CROCC2: variants seen among roughly 807,000 people sequenced by gnomAD.
CROCC2 encodes the protein ciliary rootlet coiled-coil protein 2.
A neutral mutation model predicts 177.6 loss-of-function variants in CROCC2; 163 were observed. The ratio of observed to expected loss-of-function variants is 0.92; its 90% CI spans 0.81 to 1.05. The LOEUF is 1.05. CROCC2 is among the 50% of genes least tolerant of loss of function. CROCC2 has a pLI of 0.00. For synonymous variants in CROCC2, 904 were observed against 787.3 expected (o/e 1.15, Z -2.48); for missense variants, 1,929 against 1,797.8 (o/e 1.07, Z -1.32).
In CROCC2 at chr2:240,968,241, C is replaced by G. The variant is rs1310666491; in HGVS notation, c.4380C>G (p.Gly1460=). 8 of 1,531,418 alleles carry G rather than the reference C, an allele frequency of 5.2e-6. No homozygotes were observed. The East Asian group carries it at 2.0e-4, about 38-fold the overall frequency. The allele number at this position is 1,531,418 out of a possible 1,614,324, so 94.9% of individuals were successfully genotyped here. ...LEHLASVRAA[G]QEKRRLQEQL... ...ACCTGGCGAGCGTGCGTGCGGCAGG[C>G]CAGGAGAAGCGGCGGCTGCAGGTGG... The change falls in exon 27 of 32, where the codon GGC becomes GGG. Residue 1460 remains glycine, a synonymous_variant. Transcript: ENST00000690015.
In CROCC2 at chr2:240,953,095, G is replaced by A. The variant is rs2059566929; in HGVS notation, c.2829+2585G>A. 6.6e-6 allele frequency among the ~76,000 whole-genome samples: 1 copy of A among 152,074 alleles called. No homozygotes were observed. Among genetic ancestry groups the A allele is most frequent in the Non-Finnish European group, 1.5e-5 (1 of 68,016 alleles). On this transcript the variant is annotated intron_variant, in intron 18 of 31. Coordinates refer to ENST00000690015, the MANE Select transcript of CROCC2 (RefSeq NM_001351305.2). This position sits in a 1 kb window ranked among gnomAD's most constrained non-coding sequence, Gnocchi z 4.0. Reference sequence around the variant, plus strand: ...TCCCAGCTTCCCAGTGGCACACACAGCCCCCAAGAGAGGGGACCTCGGTCA... The same window carrying A: ...TCCCAGCTTCCCAGTGGCACACACAACCCCCAAGAGAGGGGACCTCGGTCA...
chr2:240,911,862 G>C (rs2059290993), intron 1 of CROCC2, among the ~76,000 whole-genome samples: 1 of 152,182 alleles, frequency 6.6e-6, no homozygotes, highest in Non-Finnish European at 1.5e-5. Context: ...TACTCATAGA[G>C]GGACCACACT....
At chr2:240,954,451 T>C (rs1269511465) in intron 18 of CROCC2, among the ~76,000 whole-genome samples, 2 of 152,154 alleles carry the variant, frequency 1.3e-5, no homozygotes, top group African/African-American at 2.4e-5. Flanking sequence ...CTCCTGTTAC[T>C]CTTAGAGATT....
At chr2:240,959,515 GGAGA>G (rs2059617124) in intron 20 of CROCC2, 71 bp downstream of exon 20, 1 of 1,502,166 alleles carries the variant, frequency 6.7e-7, no homozygotes, top group East Asian at 2.5e-5. Flanking sequence ...TACCAAGAGA[GGAGA>G]GAGTGGGGGT....
Position 240,933,209 on chromosome 2 carries a change from C to T in CROCC2, c.1330C>T (p.Leu444=). The T allele has an allele frequency of 6.5e-7, 1 of 1,549,714 alleles. No individual in the cohort carries two copies. Among genetic ancestry groups the T allele is most frequent in the South Asian group, 1.2e-5 (1 of 84,010 alleles). ...GCAGCTGTCCGAAAGCCGGCGGGAG[C>T]TGTGGGCCGCACAGAAGCTCCAGCA... ...QEQLSESRRE[L]WAAQKLQQER... Residue 444 remains leucine, a synonymous_variant, in exon 10 of 32, where the codon CTG becomes TTG. Coordinates refer to ENST00000690015, the MANE Select transcript of CROCC2 (RefSeq NM_001351305.2).
At chr2:240,986,521 G>A (rs1373672611) in intron 28 of CROCC2, among the ~76,000 whole-genome samples, 6 of 152,236 alleles carry the variant, frequency 3.9e-5, no homozygotes, top group South Asian at 2.1e-4. Flanking sequence ...CTGGAAAGCC[G>A]AGCCGGTGTT....
intron 12 of CROCC2, 107 bp from the exon 13 acceptor site, chr2:240,934,809 C>G (rs2059457195): frequency 1.6e-6 from 2 of 1,257,094 alleles, no homozygotes; most frequent in Admixed American, 6.6e-5. Context: ...CGCCCAAGAG[C>G]TCTGGCTTGC....
At position 240,967,459 on chromosome 2, in the gene CROCC2, G is replaced by A. The variant is rs1033874369; in HGVS notation, c.4261G>A (p.Glu1421Lys). 9.2e-5 allele frequency: 138 copies of A among 1,506,278 alleles called. No individual in the cohort carries two copies. In the Admixed American group the frequency reaches 2.4e-3, roughly 27 times the overall value. 93.3% of individuals were successfully genotyped at this position (1,506,278 alleles called of 1,614,324 possible). ...GCTGCAGAAAGCCCTGGCTGAGGCG[G>A]AAGAAGGTGACCTCCCTTGCCCTGC... The part of the protein sequence containing the change: ...GQLQKALAEA[E>K]EGQRRVEGAL... Residue 1421 changes from glutamate (E) to lysine (K), a missense_variant, in exon 26 of 32, where the codon GAA (glutamate) becomes AAA (lysine). By Grantham distance (56) the Glu-to-Lys change is moderately conservative (BLOSUM62 1). This residue lies in a region of CROCC2 where 388 missense variants were observed against 352.7 expected (regional missense o/e 1.10). Transcript: ENST00000690015.
chr2:240,990,977 G>A lies in CROCC2; in HGVS notation c.4864-219G>A, dbSNP rs2059875678. On this transcript the variant is annotated intron_variant, in intron 30 of 31. Transcript: ENST00000690015. ...ACTCCTGAGGCCTCCACAGGTGGGG[G>A]ATCCGTGGTGAGAGGTGGAACTGCG... Among the ~76,000 whole-genome samples the A allele has an allele frequency of 2.0e-5, 3 of 152,392 alleles. No individual in the cohort carries two copies. The South Asian group carries it at 6.2e-4, about 32-fold the overall frequency.
intron 20 of CROCC2, among the ~76,000 whole-genome samples, chr2:240,962,095 C>A (rs1460846064): frequency 2.0e-5 from 3 of 151,984 alleles, no homozygotes; most frequent in Non-Finnish European, 4.4e-5. Flanking sequence ...CACACACACA[C>A]ACTCTCACCC....
At chr2:240,955,796 G>A in intron 18 of CROCC2, 63 bp from the exon 19 acceptor site, 1 of 1,155,700 alleles carries the variant, frequency 8.7e-7, no homozygotes, top group Non-Finnish European at 1.2e-6. Context: ...CTCCTTAGAG[G>A]GGGGCCTCTT....
At chr2:240,974,351 T>A in intron 27 of CROCC2, among the ~76,000 whole-genome samples, 1 of 150,114 alleles carries the variant, frequency 6.7e-6, no homozygotes, top group African/African-American at 2.4e-5. Context: ...AGTTTACTTT[T>A]TTTTTTTTTT....
At chr2:240,990,794 G>A (rs1013608581) in intron 30 of CROCC2, among the ~76,000 whole-genome samples, 1 of 152,176 alleles carries the variant, frequency 6.6e-6, no homozygotes, top group Non-Finnish European at 1.5e-5. Flanking sequence ...ATGTTGGCCA[G>A]CCTGGTCTCA....
At chr2:240,974,142 G>A (rs192548828) in intron 27 of CROCC2, among the ~76,000 whole-genome samples, 157 of 152,210 alleles carry the variant, frequency 1.0e-3, no homozygotes, top group Non-Finnish European at 1.1e-3. Context: ...CTTTATATGC[G>A]TAGTTGTACC....
intron 14 of CROCC2, 99 bp from the exon 15 acceptor site, chr2:240,945,961 T>A (rs1323868539): frequency 1.1e-6 from 1 of 918,228 alleles, no homozygotes; most frequent in Non-Finnish European, 1.6e-6. Flanking sequence ...CTGCATAAAA[T>A]CACTTCTTCT....
chr2:240,911,637 T>C (rs71428478), intron 1 of CROCC2, among the ~76,000 whole-genome samples: 25,364 of 150,534 alleles, frequency 0.17, 2,308 homozygotes, highest in Non-Finnish European at 0.2. Flanking sequence ...TCTGCCCCCA[T>C]TCAACATTCA....
intron 3 of CROCC2, among the ~76,000 whole-genome samples, chr2:240,921,385 TC>T (rs1244489198): frequency 6.6e-6 from 1 of 152,126 alleles, no homozygotes; most frequent in Admixed American, 6.5e-5. Context: ...CCCCAGCACA[TC>T]CGTGAGCTGC....
intron 18 of CROCC2, 77 bp downstream of exon 18, chr2:240,950,587 C>T: frequency 2.1e-6 from 3 of 1,443,852 alleles, no homozygotes; most frequent in Non-Finnish European, 1.9e-6. Flanking sequence ...ACAAGGGCTG[C>T]ATGTGGCCAC....
rs752271345 is a variant in CROCC2 at position 240,983,024 on chromosome 2, C to A, written c.4546C>A (p.Arg1516=). 6.5e-7 allele frequency: 1 copy of A among 1,549,890 alleles called. No individual in the cohort carries two copies. Among genetic ancestry groups the A allele is most frequent in the Non-Finnish European group, 8.7e-7 (1 of 1,146,716 alleles). ...QKAEVSLEPL[R]QMEQETLKRE... is the part of the protein sequence containing the mutation. ...GGCTGAGGTATCGCTGGAGCCCCTG[C>A]GACAGGTGAGGGTGACCAGGAGGGC... The change falls in exon 28 of 32, where the codon CGA becomes AGA. Residue 1516 remains arginine, a synonymous_variant. Transcript: ENST00000690015.
Sources: allele counts gnomAD v4.1 joint callset (sites outside exome capture counted in the v4.1 genomes callset), GRCh38; gene constraint gnomAD v4.1.1; regional missense constraint gnomAD v4.1.1; non-coding constraint Gnocchi (gnomAD v3.1); transcripts MANE v1.5; gene names NCBI Gene and HGNC (gene_info 2026-07-23, HGNC 2026-07-21).